Variants in P2RY12 observed in about 807,000 individuals in gnomAD.
The protein encoded by P2RY12 is purinergic receptor P2Y12.
Under a neutral mutation model 4.5 loss-of-function variants are expected in P2RY12, and 3 were observed. That is an observed-to-expected ratio of 0.67 (90% CI 0.31 to 1.74). P2RY12 has a LOEUF of 1.74. Ranked by LOEUF, P2RY12 falls within the 40% of genes most tolerant of loss-of-function variation. The pLI is 0.09. For missense variants in P2RY12, 356 were observed against 407.8 expected (o/e 0.87, Z 1.09); for synonymous variants, 148 against 154.1 (o/e 0.96, Z 0.29).
intron 1 of P2RY12, chr3:151,369,441 C>A: frequency 6.3e-7 from 1 of 1,599,704 alleles, no homozygotes; most frequent in Non-Finnish European, 8.5e-7. Context: ...TGTAGGCAAA[C>A]CTTTCCCTGG....
At position 151,337,725 on chromosome 3, in the gene P2RY12, T is replaced by C; in HGVS notation, c.*92A>G. 8.0e-7 allele frequency: 1 copy of C among 1,255,478 alleles called. No individual in the cohort carries two copies. The highest frequency in any genetic ancestry group is 1.3e-5 in the South Asian group (1 of 76,950). The allele number at this position is 1,255,478 out of a possible 1,614,324, so 77.8% of individuals were successfully genotyped here. A position where few individuals can be genotyped will look rare whatever the true frequency, so the allele number is the denominator to read the frequency against. On this transcript the variant is annotated 3_prime_UTR_variant, in exon 3 of 3. Transcript: ENST00000302632. ...TTTAGAGTCATTATTATTAACTTAG[T>C]TGCTTCTTCGTCAGTTAATATTTTT...
rs1167677400 is a variant in P2RY12 at position 151,338,636 on chromosome 3, A to G, written c.210T>C (p.Asp70=). 3 of 1,614,046 alleles carry G rather than the reference A, an allele frequency of 1.9e-6. No homozygotes were observed. The highest frequency in any genetic ancestry group is 2.5e-6 in the Non-Finnish European group (3 of 1,179,976). Residue 70 remains aspartate (D), a synonymous_variant, in exon 3 of 3, where the codon GAT becomes GAC. Coordinates refer to ENST00000302632, the MANE Select transcript of P2RY12 (RefSeq NM_022788.5). ...ATGGAAAAGTCAGAATCATGAGAAG[A>G]TCAGAAATGACTGTGTTCTTAAGAA... The part of the protein sequence containing the change: ...IIFLKNTVIS[D]LLMILTFPFK...
intron 1 of P2RY12, chr3:151,367,668 A>G (rs1331623308): frequency 6.2e-7 from 1 of 1,607,966 alleles, no homozygotes; most frequent in Admixed American, 1.7e-5. Context: ...TCATTCCATG[A>G]TTCATTAGCT....
chr3:151,338,655 T>C lies in P2RY12; in HGVS notation c.191A>G (p.Lys64Arg). ...GAGAAGATCAGAAATGACTGTGTTCTTAAGAAAAATAATAAAGTTTGATTT... is the reference window on the plus strand; with the variant it reads ...GAGAAGATCAGAAATGACTGTGTTCCTAAGAAAAATAATAAAGTTTGATTT... The part of the protein sequence containing the change: ...RSKSNFIIFL[K>R]NTVISDLLMI... Residue 64 changes from lysine to arginine, a missense_variant, in exon 3 of 3, where the codon AAG becomes AGG. Coordinates refer to ENST00000302632, the MANE Select transcript of P2RY12 (RefSeq NM_022788.5). 1 of 1,613,894 alleles carries C rather than the reference T, an allele frequency of 6.2e-7. No homozygotes were observed. The highest frequency in any genetic ancestry group is 1.3e-5 in the African/African-American group (1 of 75,010).
At chr3:151,339,921 A>G (rs1751591332) in intron 2 of P2RY12, among the ~76,000 whole-genome samples, 1 of 152,146 alleles carries the variant, frequency 6.6e-6, no homozygotes, top group Non-Finnish European at 1.5e-5. Context: ...CTTAATAATC[A>G]GAGATATATT....
chr3:151,368,685 A>ATTTTTTTTTTTTT (rs869105325), intron 1 of P2RY12, among the ~76,000 whole-genome samples: 6 of 41,368 alleles, frequency 1.5e-4, no homozygotes, highest in South Asian at 9.4e-4. Context: ...ATGTCATTTC[A>ATTTTTTTTTTTTT]TTTTATTTCA....
At chr3:151,347,108 C>G (rs1197377081) in intron 1 of P2RY12, among the ~76,000 whole-genome samples, 1 of 152,024 alleles carries the variant, frequency 6.6e-6, no homozygotes, top group Non-Finnish European at 1.5e-5. Context: ...CATTTTGCTT[C>G]TTAGTCTTCA....
At chr3:151,352,532 G>A (rs1753361967) in intron 1 of P2RY12, among the ~76,000 whole-genome samples, 1 of 152,118 alleles carries the variant, frequency 6.6e-6, no homozygotes, top group South Asian at 2.1e-4. Context: ...CATATTAATG[G>A]AAATATGCCC....
In P2RY12 at chr3:151,337,907, C is replaced by G. The variant is rs1751236102; in HGVS notation, c.939G>C (p.Leu313=). 6.2e-7 allele frequency: 1 copy of G among 1,614,116 alleles called. No individual in the cohort carries two copies. The highest frequency in any genetic ancestry group is 8.5e-7 in the Non-Finnish European group (1 of 1,179,998). The change falls in exon 3 of 3, where the codon CTG becomes CTC. Residue 313 remains leucine, a synonymous_variant. Transcript: ENST00000302632. ...GAGATGTTGCAGAATTGGGGCACTTCAGCATACTTATCAAGGAATTTCTGA... is the reference window on the plus strand; with the variant it reads ...GAGATGTTGCAGAATTGGGGCACTTGAGCATACTTATCAAGGAATTTCTGA... ...KSFRNSLISM[L]KCPNSATSLS...
chr3:151,352,672 G>T (rs748068934), intron 1 of P2RY12, among the ~76,000 whole-genome samples: 1 of 152,148 alleles, frequency 6.6e-6, no homozygotes, highest in Non-Finnish European at 1.5e-5. Flanking sequence ...AGATCAGCCA[G>T]GTCTTGCCTA....
intron 1 of P2RY12, among the ~76,000 whole-genome samples, chr3:151,363,997 A>G (rs1754963212): frequency 6.6e-6 from 1 of 152,118 alleles, no homozygotes; most frequent in Non-Finnish European, 1.5e-5. Context: ...ATATAACAAT[A>G]TGGGGTTTAA....
chr3:151,365,242 A>G (rs1430044651), intron 1 of P2RY12: 1 of 1,547,180 alleles, frequency 6.5e-7, no homozygotes, highest in Admixed American at 1.7e-5. Context: ...TGATTAACCA[A>G]AGAGTTGTTG....
chr3:151,372,835 T>TA, intron 1 of P2RY12: 1 of 1,266,352 alleles, frequency 7.9e-7, no homozygotes, highest in East Asian at 2.4e-5. Context: ...TACTTACACT[T>TA]ATAGGAAACT....
At chr3:151,353,903 A>T (rs1753565149) in intron 1 of P2RY12, among the ~76,000 whole-genome samples, 1 of 152,030 alleles carries the variant, frequency 6.6e-6, no homozygotes, top group Admixed American at 6.5e-5. Context: ...GCACTTTGGG[A>T]GGCCGAGGCG....
rs532325068 is a variant in P2RY12, at chr3:151,357,165, A to C, written c.-179-16405T>G. ...GTTTATAAAAATAAATGTTTTCTCT[A>C]TTTGTTTTGGCACCTACATGTTTAT... On this transcript the variant is annotated intron_variant, in intron 1 of 2. Transcript: ENST00000302632. The C allele has an allele frequency of 4.1e-6, 6 of 1,446,214 alleles. No homozygotes were observed. The African/African-American group carries it at 7.1e-5, about 17-fold the overall frequency. The allele number at this position is 1,446,214 out of a possible 1,614,324, so 89.6% of individuals were successfully genotyped here.
rs1751230394 is a variant in P2RY12, at chr3:151,337,885, A to G, written c.961T>C (p.Ser321Pro). ...TTTTTCCTATTGTCCTGGGACAGAG[A>G]TGTTGCAGAATTGGGGCACTTCAGC... The part of the protein sequence containing the change: ...SMLKCPNSAT[S>P]LSQDNRKKEQ... The change falls in exon 3 of 3, where the codon TCT becomes CCT. Residue 321 changes from serine (S) to proline (P), a missense_variant. Transcript: ENST00000302632. 1.2e-6 allele frequency: 2 copies of G among 1,614,014 alleles called. No homozygotes were observed. Among genetic ancestry groups the G allele is most frequent in the South Asian group, 1.1e-5 (1 of 91,084 alleles).
At chr3:151,383,374 G>A (rs1357309250) in intron 1 of P2RY12, among the ~76,000 whole-genome samples, 1 of 152,206 alleles carries the variant, frequency 6.6e-6, no homozygotes, top group Non-Finnish European at 1.5e-5. Flanking sequence ...ATGGTATTAT[G>A]ATAGCAGGCT....
intron 1 of P2RY12, among the ~76,000 whole-genome samples, chr3:151,345,553 T>C (rs1752430324): frequency 2.0e-5 from 3 of 150,840 alleles, no homozygotes. Flanking sequence ...GTTTTGCTCT[T>C]GTCACCCAGG....
intron 1 of P2RY12, chr3:151,377,017 C>A (rs987898386): frequency 2.5e-6 from 4 of 1,613,872 alleles, no homozygotes; most frequent in Non-Finnish European, 3.4e-6. Flanking sequence ...CCGAAATGAA[C>A]AACTTACTGG....
Sources: gnomAD v4.1 joint callset for allele counts (sites outside exome capture counted in the v4.1 genomes callset) on GRCh38, gnomAD v4.1.1 for gene constraint, MANE v1.5 for transcripts, NCBI Gene and HGNC (gene_info 2026-07-23, HGNC 2026-07-21) for gene names.